The following KMT2C variants were observed in gnomAD, a reference collection of about 807,000 sequenced individuals.
KMT2C encodes lysine methyltransferase 2C, also known as histone-lysine N-methyltransferase 2C.
A neutral mutation model predicts 507.9 loss-of-function variants in KMT2C; 88 were observed. The observed-to-expected ratio is 0.17, with a 90% CI of 0.15 to 0.21. The LOEUF (loss-of-function observed/expected upper bound fraction) is 0.21. Among genes scored for constraint, KMT2C ranks in the 10% least tolerant of loss-of-function variants. The pLI is 1.00. For synonymous variants in KMT2C, 2,049 were observed against 2,080.8 expected, an observed-to-expected ratio of 0.98 and a Z score of 0.42; for missense variants, 4,954 against 5,957.8, an observed-to-expected ratio of 0.83 and a Z score of 5.55.
rs779127082 is a variant in KMT2C, at chr7:152,248,234, T to C, written c.2200A>G (p.Thr734Ala). The change falls in exon 14 of 59, where the codon ACT becomes GCT. Residue 734 changes from threonine to alanine, a missense_variant. Around this residue, in one of 29 missense-constraint regions of KMT2C, gnomAD observed 376 missense variants for 352.4 expected, o/e 1.07. Coordinates refer to ENST00000262189, the MANE Select transcript of KMT2C (RefSeq NM_170606.3). The stretch of plus-strand genomic sequence containing the variant: ...GTCATTTCAGAGTCCATCAATCCAG[T>C]AGAAAGTTCAGAATTTTCTTTCTGT... Reference protein sequence around the residue: ...KEQKENSELSTGLMDSEMTPT... With the variant: ...KEQKENSELSAGLMDSEMTPT... 12 of 1,613,858 alleles carry C rather than the reference T, an allele frequency of 7.4e-6. No individual in the cohort carries two copies. Among genetic ancestry groups the C allele is most frequent in the Admixed American group, 5.0e-5 (3 of 59,998 alleles).
chr7:152,355,877 T>C (rs892156571), intron 2 of KMT2C, among the ~76,000 whole-genome samples: 9 of 152,160 alleles, frequency 5.9e-5, no homozygotes, highest in East Asian at 1.9e-4. Context: ...AAAGGGGATG[T>C]TGGATCAAGA....
In KMT2C at chr7:152,263,100, C is replaced by T. The variant is rs1211892464; in HGVS notation, c.1215G>A (p.Val405=). ...GATACCCTTTGTCACACGTATCACA[C>T]ACTAGCATCTTGCTATCTTCTCCCG... ...KQSGEDSKML[V]CDTCDKGYHT... The change falls in exon 9 of 59, where the codon GTG becomes GTA. Residue 405 remains valine (V), a synonymous_variant. Coordinates refer to ENST00000262189, the MANE Select transcript of KMT2C (RefSeq NM_170606.3). 5 of 1,611,876 alleles carry T rather than the reference C, an allele frequency of 3.1e-6. No individual in the cohort carries two copies. The highest frequency in any genetic ancestry group is 1.3e-5 in the African/African-American group (1 of 74,854).
chr7:152,253,543 A>AAT (rs2095597761), intron 9 of KMT2C, among the ~76,000 whole-genome samples: 3 of 147,596 alleles, frequency 2.0e-5, no homozygotes, highest in Non-Finnish European at 3.0e-5. Context: ...AAAAAAAAAA[A>AAT]TTTAATTAGC....
Position 152,136,576 on chromosome 7 carries a change from AAG to A in KMT2C, c.*254_*255del. On this transcript the variant is annotated 3_prime_UTR_variant, in exon 59 of 59. Transcript: ENST00000262189. The stretch of plus-strand genomic sequence containing the variant: ...ACAAACAAAAAAAAAAGAAAAGGAA[AAG>A]AAAAAAAAGCAAAAGTGCTGGACCA... 3 of 391,678 alleles carry A rather than the reference AAG, an allele frequency of 7.7e-6. No homozygotes were observed. In the South Asian group the frequency reaches 1.9e-4, roughly 24 times the overall value. 24.3% of individuals were successfully genotyped at this position (391,678 alleles called of 1,614,324 possible).
rs2092577174 is a variant in KMT2C at position 152,163,668 on chromosome 7, G to C, written c.9909C>G (p.Thr3303=). The change falls in exon 43 of 59, where the codon ACC becomes ACG. Residue 3303 remains threonine (T), a synonymous_variant. Coordinates refer to ENST00000262189, the MANE Select transcript of KMT2C (RefSeq NM_170606.3). Reference sequence around the variant, plus strand: ...GAAGCTGCTGTGGCACCATGGGAAAGGTGGGTTGGCTCATGGTGGGTGGAG... The same window carrying C: ...GAAGCTGCTGTGGCACCATGGGAAACGTGGGTTGGCTCATGGTGGGTGGAG... The part of the protein sequence containing the change: ...GATPPTMSQP[T]FPMVPQQLQH... 1 of 1,613,810 alleles carries C rather than the reference G, an allele frequency of 6.2e-7. No homozygotes were observed. The highest frequency in any genetic ancestry group is 8.5e-7 in the Non-Finnish European group (1 of 1,179,820).
intron 26 of KMT2C, among the ~76,000 whole-genome samples, chr7:152,201,162 A>G (rs1186675751): frequency 6.6e-6 from 1 of 152,066 alleles, no homozygotes; most frequent in East Asian, 1.9e-4. Flanking sequence ...AAACTGTGTC[A>G]CCCTTATTAA....
At chr7:152,316,639 G>A (rs1447796599) in intron 3 of KMT2C, among the ~76,000 whole-genome samples, 3 of 151,896 alleles carry the variant, frequency 2.0e-5, no homozygotes, top group Non-Finnish European at 2.9e-5. Context: ...GCATTACCAG[G>A]TGATAGAACT....
intron 1 of KMT2C, among the ~76,000 whole-genome samples, chr7:152,401,147 A>C (rs2097570156): frequency 6.8e-6 from 1 of 147,290 alleles, no homozygotes; most frequent in South Asian, 2.1e-4. Flanking sequence ...GTGCAATGGC[A>C]CCATCTCGGC....
chr7:152,268,088 G>A (rs1191772394), intron 7 of KMT2C, among the ~76,000 whole-genome samples: 3 of 151,986 alleles, frequency 2.0e-5, no homozygotes, highest in South Asian at 2.1e-4. Flanking sequence ...GAGACCAGCC[G>A]GGCCAACATG....
chr7:152,192,788 G>A (rs1409198419), intron 31 of KMT2C, among the ~76,000 whole-genome samples: 2 of 152,178 alleles, frequency 1.3e-5, no homozygotes, highest in Non-Finnish European at 1.5e-5. Flanking sequence ...CACAAGAAAA[G>A]GAGAAGATAT....
rs35698920 is a variant in KMT2C, at chr7:152,271,673, CAAAA to C, written c.1012+2028_1012+2031del. Reference sequence around the variant, plus strand: ...AGAGTGACAGTGCGAGACTCCATCTCAAAAAAAAAAAAAAAAAAAAAACCCCAAA... The same window carrying C: ...AGAGTGACAGTGCGAGACTCCATCTCAAAAAAAAAAAAAAAAAACCCCAAA... On this transcript the variant is annotated intron_variant, in intron 7 of 58. Coordinates refer to ENST00000262189, the MANE Select transcript of KMT2C (RefSeq NM_170606.3). Among the ~76,000 whole-genome samples the C allele has an allele frequency of 4.9e-3, 270 of 54,976 alleles. 2 individuals carry two copies. Among genetic ancestry groups the C allele is most frequent in the Non-Finnish European group, 6.8e-3 (174 of 25,614 alleles). The allele number at this position is 54,976 out of a possible 152,430, so 36.1% of individuals were successfully genotyped here. A position where few individuals can be genotyped will look rare whatever the true frequency, so the allele number is the denominator to read the frequency against.
chr7:152,306,726 TGA>T (rs971761827), intron 6 of KMT2C, among the ~76,000 whole-genome samples: 6 of 152,222 alleles, frequency 3.9e-5, no homozygotes, highest in African/African-American at 1.4e-4. Flanking sequence ...CAGCAAAGAA[TGA>T]GAGTACCTGT....
rs2129097557 is a variant in KMT2C, at chr7:152,152,800, A to T, written c.12431T>A (p.Leu4144His). ...PGLEYRQHLL[L>H]RGPPPGSANP... ...TGCAGATCCTGGCGGAGGCCCACGGAGAAGTAAATGCTGTCGATACTCCAA... is the reference window on the plus strand; with the variant it reads ...TGCAGATCCTGGCGGAGGCCCACGGTGAAGTAAATGCTGTCGATACTCCAA... The change falls in exon 49 of 59, where the codon CTC becomes CAC. Residue 4144 changes from leucine to histidine, a missense_variant. This residue lies in a region of KMT2C where 417 missense variants were observed against 461.1 expected (regional missense o/e 0.90). Coordinates refer to ENST00000262189, the MANE Select transcript of KMT2C (RefSeq NM_170606.3). 6.2e-7 allele frequency: 1 copy of T among 1,614,162 alleles called. No individual in the cohort carries two copies.
intron 6 of KMT2C, among the ~76,000 whole-genome samples, chr7:152,283,893 G>C (rs1357076144): frequency 6.6e-6 from 1 of 152,112 alleles, no homozygotes; most frequent in African/African-American, 2.4e-5. Context: ...TGCATCAAAA[G>C]AGTATTTATA....
intron 6 of KMT2C, among the ~76,000 whole-genome samples, chr7:152,288,203 A>G (rs1161997220): frequency 6.7e-6 from 1 of 150,348 alleles, no homozygotes; most frequent in East Asian, 1.9e-4. Context: ...TACCCAACCT[A>G]AACAAGAGAA....
At chr7:152,217,268 C>G (rs2094608075) in intron 23 of KMT2C, among the ~76,000 whole-genome samples, 2 of 152,248 alleles carry the variant, frequency 1.3e-5, no homozygotes, top group African/African-American at 4.8e-5. Flanking sequence ...CCTGTACAGG[C>G]ATATGAAATA....
chr7:152,319,566 T>TCTCTAAACTCTTTTAGAGTTTAGAGAAGA (rs2096752592), intron 3 of KMT2C, among the ~76,000 whole-genome samples: 1 of 151,012 alleles, frequency 6.6e-6, no homozygotes, highest in Admixed American at 6.6e-5. Context: ...GGAAAGGGAG[T>TCTCTAAACTCTTTTAGAGTTTAGAGAAGA]CTCTAAACTC....
intron 35 of KMT2C, 54 bp downstream of exon 35, chr7:152,182,920 C>G (rs899283613): frequency 8.3e-6 from 11 of 1,330,408 alleles, no homozygotes; most frequent in African/African-American, 1.5e-5. Flanking sequence ...AAAGACCTCC[C>G]TTCTCAAAAC....
At chr7:152,232,195 G>A (rs1360732096) in intron 16 of KMT2C, among the ~76,000 whole-genome samples, 1 of 152,210 alleles carries the variant, frequency 6.6e-6, no homozygotes, top group East Asian at 1.9e-4. Flanking sequence ...CAGTTTTAAT[G>A]GATAGTACTA....
Sources: gnomAD v4.1 joint callset for allele counts (sites outside exome capture counted in the v4.1 genomes callset) on GRCh38, gnomAD v4.1.1 for gene constraint, gnomAD v4.1.1 regional missense constraint, MANE v1.5 for transcripts, NCBI Gene and HGNC (gene_info 2026-07-23, HGNC 2026-07-21) for gene names.